UNC79: variants seen among roughly 807,000 people sequenced by gnomAD.
UNC79 encodes the protein unc-79 subunit of NALCN channel complex.
A neutral mutation model predicts 283.1 loss-of-function variants in UNC79; 37 were observed. That is an observed-to-expected ratio of 0.13 (90% CI 0.10 to 0.17). The LOEUF is 0.17. Ranked by LOEUF, UNC79 falls within the 10% of genes least tolerant of loss-of-function variation. The pLI is 1.00. For synonymous variants in UNC79, 1,107 were observed against 1,200.2 expected, an observed-to-expected ratio of 0.92 and a Z score of 1.61; for missense variants, 2,272 against 3,211.1, an observed-to-expected ratio of 0.71 and a Z score of 7.07.
chr14:93,659,380 C>T, intron 39 of UNC79, 119 bp downstream of exon 42: 1 of 758,772 alleles, frequency 1.3e-6, no homozygotes, highest in South Asian at 2.1e-5. Context: ...TCCCTTTCAG[C>T]CTCCTTCTTT....
intron 28 of UNC79, 148 bp from the exon 30 acceptor site, chr14:93,618,044 T>C: frequency 2.4e-6 from 2 of 828,500 alleles, no homozygotes; most frequent in South Asian, 4.3e-5. Context: ...AATAAGGCCA[T>C]GAGCAGAATT....
intron 1 of UNC79, among the ~76,000 whole-genome samples, chr14:93,363,684 T>A (rs561084958): frequency 9.3e-4 from 141 of 152,292 alleles, no homozygotes; most frequent in Non-Finnish European, 1.6e-3. Context: ...AGTTAGGTCT[T>A]CCTGTTGAAT....
chr14:93,508,120 T>A (rs942415021), intron 7 of UNC79, among the ~76,000 whole-genome samples: 3 of 152,146 alleles, frequency 2.0e-5, no homozygotes, highest in African/African-American at 7.2e-5. Context: ...TATTTGTTCT[T>A]TTTCTTTGAC....
At chr14:93,428,165 G>A (rs977373357), upstream of UNC79, among the ~76,000 whole-genome samples, 2 of 152,148 alleles carry the variant, frequency 1.3e-5, no homozygotes, top group Non-Finnish European at 2.9e-5. Flanking sequence ...AGCAGGTAGG[G>A]TAGTGAGGAA....
At chr14:93,587,682 G>C (rs1213345490) in intron 22 of UNC79, among the ~76,000 whole-genome samples, 1 of 152,142 alleles carries the variant, frequency 6.6e-6, no homozygotes, top group African/African-American at 2.4e-5. Flanking sequence ...ATATAATTTA[G>C]TATTCAAATT....
chr14:93,442,664 C>T (rs964513905), intron 1 of UNC79, among the ~76,000 whole-genome samples: 8 of 152,128 alleles, frequency 5.3e-5, no homozygotes, highest in Non-Finnish European at 8.8e-5. Flanking sequence ...TATTAAGATA[C>T]GTCATTTTAT....
At chr14:93,401,095 G>C (rs1047610587) in intron 1 of UNC79, among the ~76,000 whole-genome samples, 1 of 152,168 alleles carries the variant, frequency 6.6e-6, no homozygotes. Context: ...TCCAGATATA[G>C]ACATCTATTA....
At chr14:93,516,173 C>T (rs187793160) in intron 7 of UNC79, among the ~76,000 whole-genome samples, 18 of 152,062 alleles carry the variant, frequency 1.2e-4, no homozygotes, top group Admixed American at 7.2e-4. Flanking sequence ...TTTCTAAACT[C>T]TCTATTTTGT....
intron 5 of UNC79, among the ~76,000 whole-genome samples, chr14:93,491,011 C>T (rs9635290): frequency 0.31 from 46,606 of 151,948 alleles, 7,518 homozygotes; most frequent in East Asian, 0.65. Context: ...TCTTATAGTT[C>T]CAGGGGCTGG....
chr14:93,391,803 T>C (rs2054889114), intron 1 of UNC79, among the ~76,000 whole-genome samples: 1 of 152,178 alleles, frequency 6.6e-6, no homozygotes, highest in South Asian at 2.1e-4. Context: ...AAATGATCAA[T>C]GACTTAAGCA....
intron 1 of UNC79, among the ~76,000 whole-genome samples, chr14:93,377,702 A>C (rs1432901636): frequency 6.6e-6 from 1 of 152,224 alleles, no homozygotes; most frequent in South Asian, 2.1e-4. Context: ...ATTGGGTGGG[A>C]TAACAGCCAA....
At chr14:93,650,135 G>A (rs1326474135) in intron 35 of UNC79, among the ~76,000 whole-genome samples, 1 of 152,106 alleles carries the variant, frequency 6.6e-6, no homozygotes, top group Non-Finnish European at 1.5e-5. Flanking sequence ...TATCCATGTT[G>A]CTGCTTTTTT....
chr14:93,376,438 GA>G lies in UNC79; in HGVS notation c.-351+42924del, dbSNP rs1044782490. The stretch of plus-strand genomic sequence containing the variant: ...ATAGAACTGGTGGTCTTCTAAAGAA[GA>G]AAAAAAAATCACAGGGGCAAACCGT... On this transcript the variant is annotated intron_variant, in intron 1 of 49. Coordinates refer to the UNC79 transcript ENST00000256339. 1.6e-3 allele frequency among the ~76,000 whole-genome samples: 245 copies of G among 151,010 alleles called. 1 individual carries two copies. Among genetic ancestry groups the G allele is most frequent in the African/African-American group, 5.1e-3 (211 of 41,152 alleles).
At chr14:93,512,454 A>G (rs2059872304) in intron 7 of UNC79, among the ~76,000 whole-genome samples, 1 of 151,862 alleles carries the variant, frequency 6.6e-6, no homozygotes, top group African/African-American at 2.4e-5. Flanking sequence ...AAAATTTGGG[A>G]TATTATTCTA....
intron 1 of UNC79, among the ~76,000 whole-genome samples, chr14:93,385,776 CCAAA>C (rs1566905688): frequency 8.4e-6 from 1 of 119,410 alleles, no homozygotes; most frequent in African/African-American, 3.2e-5. Context: ...AAGACTGTCC[CCAAA>C]AAAAAAAAAA....
At chr14:93,552,022 G>A (rs2061925214) in intron 14 of UNC79, among the ~76,000 whole-genome samples, 1 of 152,184 alleles carries the variant, frequency 6.6e-6, no homozygotes, top group African/African-American at 2.4e-5. Flanking sequence ...GCTTGACTTA[G>A]AACTGTTGAA....
intron 1 of UNC79, among the ~76,000 whole-genome samples, chr14:93,416,636 T>C (rs1037999491): frequency 1.3e-5 from 2 of 152,098 alleles, no homozygotes; most frequent in African/African-American, 2.4e-5. Context: ...AAGTCTCCCA[T>C]TATTATTGTG....
chr14:93,658,831 C>G (rs1367454773), intron 38 of UNC79, among the ~76,000 whole-genome samples: 2 of 152,070 alleles, frequency 1.3e-5, no homozygotes, highest in African/African-American at 4.8e-5. Context: ...CAACAAATTT[C>G]TGTTCATTGT....
At chr14:93,589,839 G>A (rs2064525393) in intron 22 of UNC79, among the ~76,000 whole-genome samples, 1 of 152,092 alleles carries the variant, frequency 6.6e-6, no homozygotes, top group Admixed American at 6.6e-5. Context: ...GAGGTGGGAG[G>A]ATCACTTAAG....
Sources: allele counts gnomAD v4.1 joint callset (sites outside exome capture counted in the v4.1 genomes callset), GRCh38; gene constraint gnomAD v4.1.1; transcripts MANE v1.5; gene names NCBI Gene and HGNC (gene_info 2026-07-23, HGNC 2026-07-21).